Variants in GUCY1A2 observed in about 807,000 individuals in gnomAD.
The protein encoded by GUCY1A2 is guanylate cyclase 1 soluble subunit alpha 2.
GUCY1A2 carries 27 observed loss-of-function variants against 63.5 expected under a neutral mutation model. The ratio of observed to expected loss-of-function variants is 0.43; its 90% CI spans 0.31 to 0.59. The LOEUF is 0.59. Ranked by LOEUF, GUCY1A2 falls within the 20% of genes least tolerant of loss-of-function variation. The pLI, the probability that GUCY1A2 is intolerant of heterozygous loss-of-function variation, is 0.11. For missense variants in GUCY1A2, 768 were observed against 913.3 expected, an observed-to-expected ratio of 0.84 and a Z score of 2.05; for synonymous variants, 364 against 343.5, an observed-to-expected ratio of 1.06 and a Z score of -0.66.
intron 6 of GUCY1A2, among the ~76,000 whole-genome samples, chr11:106,725,623 G>A (rs1565270231): frequency 6.6e-6 from 1 of 152,104 alleles, no homozygotes; most frequent in Non-Finnish European, 1.5e-5. Context: ...CCATGGTAGA[G>A]TATCATGTAT....
intron 6 of GUCY1A2, among the ~76,000 whole-genome samples, chr11:106,722,414 CT>C (rs1334348559): frequency 6.6e-6 from 1 of 151,902 alleles, no homozygotes; most frequent in Non-Finnish European, 1.5e-5. Context: ...AAAAAAAAAT[CT>C]TGGTAGTGGG....
intron 3 of GUCY1A2, among the ~76,000 whole-genome samples, chr11:106,950,411 A>C (rs1860889999): frequency 6.6e-6 from 1 of 152,222 alleles, no homozygotes; most frequent in South Asian, 2.1e-4. Flanking sequence ...TACAAAGAGG[A>C]GCTGCAGGAG....
At chr11:106,735,250 T>C (rs1487903) in intron 6 of GUCY1A2, among the ~76,000 whole-genome samples, 72,017 of 151,870 alleles carry the variant, frequency 0.47, 18,399 homozygotes, top group East Asian at 0.73. Flanking sequence ...TATCTAAGTA[T>C]ATTGTTGTAC....
intron 7 of GUCY1A2, among the ~76,000 whole-genome samples, chr11:106,702,526 T>C (rs1862833220): frequency 2.6e-5 from 4 of 152,134 alleles, no homozygotes. Context: ...CTTCTTAGTC[T>C]TCTCAAGCCA....
intron 6 of GUCY1A2, among the ~76,000 whole-genome samples, chr11:106,754,477 A>T (rs1171722299): frequency 6.6e-6 from 1 of 152,182 alleles, no homozygotes; most frequent in Non-Finnish European, 1.5e-5. Context: ...ATTCAGTATG[A>T]TATTGGCTGT....
At chr11:106,900,544 G>A (rs1463231431) in intron 4 of GUCY1A2, among the ~76,000 whole-genome samples, 1 of 152,206 alleles carries the variant, frequency 6.6e-6, no homozygotes, top group Non-Finnish European at 1.5e-5. Context: ...GAATAGGCAT[G>A]TAATATCTGC....
At chr11:106,925,704 C>T (rs1184223963) in intron 4 of GUCY1A2, among the ~76,000 whole-genome samples, 2 of 152,178 alleles carry the variant, frequency 1.3e-5, no homozygotes. Context: ...ACGCTATCAA[C>T]ACTCAAAAGC....
At chr11:106,784,441 C>A (rs1240686304) in intron 5 of GUCY1A2, among the ~76,000 whole-genome samples, 1 of 151,996 alleles carries the variant, frequency 6.6e-6, no homozygotes. Context: ...CTCGGTCTCC[C>A]TAGCTCTAGA....
intron 4 of GUCY1A2, among the ~76,000 whole-genome samples, chr11:106,917,123 A>T (rs1860379512): frequency 6.9e-6 from 1 of 145,672 alleles, no homozygotes; most frequent in Admixed American, 6.8e-5. Context: ...AAATAAACAG[A>T]GCACTGAGAC....
At chr11:106,846,969 C>T (rs1370123166) in intron 4 of GUCY1A2, among the ~76,000 whole-genome samples, 1 of 151,194 alleles carries the variant, frequency 6.6e-6, no homozygotes, top group Non-Finnish European at 1.5e-5. Flanking sequence ...AGGCCAATTT[C>T]AAATGTCCCT....
chr11:106,809,383 A>G (rs1181094444), intron 5 of GUCY1A2, among the ~76,000 whole-genome samples: 1 of 152,148 alleles, frequency 6.6e-6, no homozygotes, highest in Non-Finnish European at 1.5e-5. Context: ...ATTAATAAGG[A>G]GTTCACCAAA....
chr11:106,973,968 T>C (rs1432193023), intron 3 of GUCY1A2, among the ~76,000 whole-genome samples: 1 of 152,068 alleles, frequency 6.6e-6, no homozygotes, highest in Non-Finnish European at 1.5e-5. Context: ...ATCTCCATTT[T>C]GCAAATAAGA....
At chr11:106,776,031 G>A (rs780516692) in intron 6 of GUCY1A2, among the ~76,000 whole-genome samples, 10 of 152,110 alleles carry the variant, frequency 6.6e-5, no homozygotes, top group Non-Finnish European at 1.0e-4. Flanking sequence ...TGTTTCACAA[G>A]GAATACCTGT....
chr11:106,801,501 T>C (rs1565294499), intron 5 of GUCY1A2, among the ~76,000 whole-genome samples: 1 of 152,180 alleles, frequency 6.6e-6, no homozygotes, highest in South Asian at 2.1e-4. Flanking sequence ...TTTTTTGTCC[T>C]GATTCTCCAT....
At chr11:106,872,839 G>T (rs1253354020) in intron 4 of GUCY1A2, among the ~76,000 whole-genome samples, 1 of 151,996 alleles carries the variant, frequency 6.6e-6, no homozygotes, top group South Asian at 2.1e-4. Context: ...TGTGCAGAAC[G>T]TGCAGATTTG....
At chr11:106,690,692 A>G (rs1343980257) in intron 7 of GUCY1A2, among the ~76,000 whole-genome samples, 3 of 152,152 alleles carry the variant, frequency 2.0e-5, no homozygotes, top group African/African-American at 7.2e-5. Flanking sequence ...CTGTGCTTGT[A>G]CCCCTGAACT....
intron 4 of GUCY1A2, among the ~76,000 whole-genome samples, chr11:106,934,003 C>T (rs1860641614): frequency 6.6e-6 from 1 of 152,074 alleles, no homozygotes; most frequent in African/African-American, 2.4e-5. Context: ...ATGCTTAGGA[C>T]CTGGGTGAGG....
At chr11:106,730,307 G>T (rs1371952676) in intron 6 of GUCY1A2, among the ~76,000 whole-genome samples, 2 of 151,218 alleles carry the variant, frequency 1.3e-5, no homozygotes, top group East Asian at 1.9e-4. Context: ...GGTGTCTGTT[G>T]TCCCCTCTGT....
intron 6 of GUCY1A2, among the ~76,000 whole-genome samples, chr11:106,776,083 CTTT>C: frequency 1.3e-5 from 2 of 152,220 alleles, no homozygotes; most frequent in East Asian, 3.9e-4. Flanking sequence ...CATTTTCTTG[CTTT>C]TTTTGTGTTT....
Sources: allele counts gnomAD v4.1 joint callset (sites outside exome capture counted in the v4.1 genomes callset), GRCh38; gene constraint gnomAD v4.1.1; transcripts MANE v1.5; gene names NCBI Gene and HGNC (gene_info 2026-07-23, HGNC 2026-07-21).